The following TANC2 variants were observed in gnomAD, a reference collection of about 807,000 sequenced individuals.
The protein encoded by TANC2 is protein TANC2.
In TANC2, 26 loss-of-function variants were observed where a neutral mutation model predicts 210.5. The observed-to-expected ratio is 0.12, with a 90% confidence interval of 0.09 to 0.17. The LOEUF is 0.17. Ranked by LOEUF, TANC2 falls within the 10% of genes least tolerant of loss-of-function variation. TANC2 has a pLI of 1.00. For missense variants in TANC2, 2,129 were observed against 2,608.9 expected (o/e 0.82, Z 4.01); for synonymous variants, 931 against 967.1 (o/e 0.96, Z 0.69).
intron 3 of TANC2, among the ~76,000 whole-genome samples, chr17:63,086,880 C>T (rs2036987153): frequency 6.6e-6 from 1 of 152,122 alleles, no homozygotes; most frequent in African/African-American, 2.4e-5. Flanking sequence ...ATGCACCAAT[C>T]AGCATTCTAT....
intron 1 of TANC2, among the ~76,000 whole-genome samples, chr17:62,985,170 T>C (rs1355552532): frequency 6.6e-6 from 1 of 152,220 alleles, no homozygotes; most frequent in Non-Finnish European, 1.5e-5. Context: ...CTACCAGTTT[T>C]CTATTTCTTT....
At chr17:63,136,630 A>G (rs1363834352) in intron 4 of TANC2, among the ~76,000 whole-genome samples, 1 of 152,222 alleles carries the variant, frequency 6.6e-6, no homozygotes, top group Non-Finnish European at 1.5e-5. Context: ...AATAATAAAC[A>G]TATAGAAAAT....
intron 4 of TANC2, among the ~76,000 whole-genome samples, chr17:63,135,613 T>G (rs985664223): frequency 6.6e-6 from 1 of 152,200 alleles, no homozygotes; most frequent in African/African-American, 2.4e-5. Context: ...ATAGGATTTC[T>G]GGTAAATTTT....
chr17:63,243,641 T>TGA (rs2042838238), intron 8 of TANC2, among the ~76,000 whole-genome samples: 4 of 152,206 alleles, frequency 2.6e-5, no homozygotes, highest in African/African-American at 9.7e-5. Context: ...ATGATCACAC[T>TGA]TCTATAATTA....
At chr17:63,098,484 A>ACTCTCTCT (rs1175349288) in intron 3 of TANC2, among the ~76,000 whole-genome samples, 2 of 72,342 alleles carry the variant, frequency 2.8e-5, no homozygotes, top group Non-Finnish European at 5.6e-5. Flanking sequence ...ACACACATAC[A>ACTCTCTCT]CTCTCTCTCT....
chr17:63,040,996 T>C (rs1303908092), intron 2 of TANC2, among the ~76,000 whole-genome samples: 1 of 152,200 alleles, frequency 6.6e-6, no homozygotes, highest in Non-Finnish European at 1.5e-5. Flanking sequence ...TAAAGACATT[T>C]TGTATGTGAT....
At chr17:63,333,673 A>C (rs145505143) in intron 11 of TANC2, among the ~76,000 whole-genome samples, 96 of 152,328 alleles carry the variant, frequency 6.3e-4, no homozygotes, top group African/African-American at 2.2e-3. Flanking sequence ...CTATGGGTAA[A>C]ATCCTATCAA....
At chr17:63,153,225 G>T (rs982170931) in intron 5 of TANC2, 1 of 151,990 alleles carries the variant, frequency 6.6e-6, no homozygotes, top group African/African-American at 2.4e-5. Context: ...ATTTTTTCAT[G>T]CAAATTTTAG....
chr17:63,375,881 A>C (rs1170815676), intron 14 of TANC2, among the ~76,000 whole-genome samples: 1 of 152,160 alleles, frequency 6.6e-6, no homozygotes, highest in African/African-American at 2.4e-5. Flanking sequence ...TGAGATCAGG[A>C]GTTCAAGTCC....
chr17:63,111,276 C>A (rs1434104214), intron 4 of TANC2, among the ~76,000 whole-genome samples: 1 of 152,138 alleles, frequency 6.6e-6, no homozygotes, highest in Non-Finnish European at 1.5e-5. Context: ...GATAGCACCA[C>A]TGACAGAGTG....
At chr17:63,410,293 T>A (rs2048649329) in intron 21 of TANC2, among the ~76,000 whole-genome samples, 1 of 150,878 alleles carries the variant, frequency 6.6e-6, no homozygotes, top group African/African-American at 2.4e-5. Context: ...AACTTATTTC[T>A]TCTTTCTAAG....
chr17:63,168,179 G>A (rs946979141), intron 5 of TANC2, among the ~76,000 whole-genome samples: 1 of 152,068 alleles, frequency 6.6e-6, no homozygotes, highest in African/African-American at 2.4e-5. Flanking sequence ...ACCAGCTTAG[G>A]CAACATAGCA....
chr17:63,284,488 T>A (rs2044160237), intron 9 of TANC2, among the ~76,000 whole-genome samples: 1 of 152,046 alleles, frequency 6.6e-6, no homozygotes, highest in South Asian at 2.1e-4. Context: ...TGCGTTCCAT[T>A]CAAAATACTT....
intron 2 of TANC2, among the ~76,000 whole-genome samples, chr17:63,058,920 G>A (rs2035899453): frequency 1.3e-5 from 2 of 151,992 alleles, no homozygotes; most frequent in South Asian, 4.1e-4. Flanking sequence ...TGGCTATTTG[G>A]GCTCTTTTTG....
intron 14 of TANC2, among the ~76,000 whole-genome samples, chr17:63,372,474 G>A (rs2047298957): frequency 1.3e-5 from 2 of 152,186 alleles, no homozygotes; most frequent in African/African-American, 2.4e-5. Flanking sequence ...CTTCCTATAT[G>A]TTTAAAGTCA....
intron 9 of TANC2, among the ~76,000 whole-genome samples, chr17:63,268,740 C>G (rs766397490): frequency 6.6e-6 from 1 of 152,122 alleles, no homozygotes; most frequent in Non-Finnish European, 1.5e-5. Context: ...TACCTGTTGC[C>G]TTACCTTCTT....
At chr17:63,324,557 T>C (rs1188338011) in intron 11 of TANC2, among the ~76,000 whole-genome samples, 2 of 152,232 alleles carry the variant, frequency 1.3e-5, no homozygotes, top group Non-Finnish European at 2.9e-5. Context: ...TTGTAGTGAT[T>C]ATTTTTAAAA....
At chr17:63,186,139 CA>C (rs2040974944) in intron 5 of TANC2, among the ~76,000 whole-genome samples, 1 of 151,984 alleles carries the variant, frequency 6.6e-6, no homozygotes, top group Non-Finnish European at 1.5e-5. Context: ...GATCTGTCAC[CA>C]ATACTTGAAA....
intron 5 of TANC2, chr17:63,155,361 A>C (rs1245651154): frequency 6.6e-6 from 1 of 152,134 alleles, no homozygotes; most frequent in Admixed American, 6.6e-5. Flanking sequence ...CATCATCATT[A>C]TACTTTTCTG....
Sources: gnomAD v4.1 joint callset for allele counts (sites outside exome capture counted in the v4.1 genomes callset) on GRCh38, gnomAD v4.1.1 for gene constraint, MANE v1.5 for transcripts, NCBI Gene and HGNC (gene_info 2026-07-23, HGNC 2026-07-21) for gene names.